The following TLN1 variants were observed in gnomAD, a reference collection of about 807,000 sequenced individuals.
TLN1 encodes talin-1.
TLN1 carries 56 observed loss-of-function variants against 292.3 expected under a neutral mutation model. That is an observed-to-expected ratio of 0.19 (90% CI 0.15 to 0.24). The LOEUF (loss-of-function observed/expected upper bound fraction) is 0.24. TLN1 is among the 10% of genes least tolerant of loss of function. The pLI is 1.00. For missense variants in TLN1, 2,433 were observed against 3,248.2 expected (o/e 0.75, Z 6.10); for synonymous variants, 1,119 against 1,253.7 (o/e 0.89, Z 2.27).
chr9:35,713,874 G>A (rs1825725736), intron 25 of TLN1, 79 bp downstream of exon 25: 1 of 1,455,326 alleles, frequency 6.9e-7, no homozygotes, highest in African/African-American at 1.4e-5. Context: ...AGGAAGGAAA[G>A]GTTTTGAGCA....
chr9:35,727,851 C>T (rs952010182), intron 1 of TLN1, among the ~76,000 whole-genome samples: 3 of 152,180 alleles, frequency 2.0e-5, no homozygotes, highest in Non-Finnish European at 4.4e-5. Flanking sequence ...GGAGCTGAGT[C>T]ATGCCTACCC....
chr9:35,729,563 T>C (rs925776605), intron 1 of TLN1, among the ~76,000 whole-genome samples: 10 of 152,232 alleles, frequency 6.6e-5, no homozygotes, highest in Admixed American at 3.3e-4. Context: ...AAAATAACTC[T>C]GGCAGTTACC....
At chr9:35,702,693 A>G (rs905077304) in intron 48 of TLN1, among the ~76,000 whole-genome samples, 1 of 151,816 alleles carries the variant, frequency 6.6e-6, no homozygotes, top group Non-Finnish European at 1.5e-5. Flanking sequence ...GGGTTTCACC[A>G]TATTGGCCAG....
Position 35,707,479 on chromosome 9 carries a change from C to T in TLN1, c.4642G>A (p.Gly1548Arg). 1 of 1,614,054 alleles carries T rather than the reference C, an allele frequency of 6.2e-7. No homozygotes were observed. The highest frequency in any genetic ancestry group is 1.1e-5 in the South Asian group (1 of 91,082). The change falls in exon 36 of 57, where the codon GGG (glycine) becomes AGG (arginine). Residue 1548 changes from glycine to arginine, a missense_variant. This residue lies in a region of TLN1 where 1,384 missense variants were observed against 1,699.6 expected (regional missense o/e 0.81). Transcript: ENST00000314888. The surrounding 1 kb of genome is among the most constrained non-coding windows in gnomAD (Gnocchi z 5.6). Reference protein sequence around the residue: ...NLVKTIKALDGAFTEENRAQC... With the variant: ...NLVKTIKALDRAFTEENRAQC... ...GCACGGTTCTCCTCTGTGAAGGCCCCATCTAGCGCCTAGAAGTGACAGAGA... is the reference window on the plus strand; with the variant it reads ...GCACGGTTCTCCTCTGTGAAGGCCCTATCTAGCGCCTAGAAGTGACAGAGA...
At chr9:35,721,355 C>T (rs1435181813) in intron 10 of TLN1, among the ~76,000 whole-genome samples, 1 of 152,188 alleles carries the variant, frequency 6.6e-6, no homozygotes, top group Non-Finnish European at 1.5e-5. Flanking sequence ...CTGTATATAG[C>T]TGCTGCTGAA....
chr9:35,711,779 G>A lies in TLN1; in HGVS notation c.3695C>T (p.Thr1232Ile). Residue 1232 changes from threonine (T) to isoleucine (I), a missense_variant, in exon 29 of 57, where the codon ACT becomes ATT. This residue lies in a region of TLN1 where 1,384 missense variants were observed against 1,699.6 expected (regional missense o/e 0.81). Transcript: ENST00000314888. ...GCTCTGAGCTTCTTGAAATGTCCCAGTGCTAGGAGGAAGCTGCAAGGTGAG... is the reference window on the plus strand; with the variant it reads ...GCTCTGAGCTTCTTGAAATGTCCCAATGCTAGGAGGAAGCTGCAAGGTGAG... Reference protein sequence around the residue: ...RLLSDSLPPSTGTFQEAQSRL... With the variant: ...RLLSDSLPPSIGTFQEAQSRL... 1 of 1,614,076 alleles carries A rather than the reference G, an allele frequency of 6.2e-7. No individual in the cohort carries two copies. The highest frequency in any genetic ancestry group is 1.1e-5 in the South Asian group (1 of 91,084).
In TLN1 at chr9:35,711,634, G is replaced by C. The variant is rs1825670163; in HGVS notation, c.3840C>G (p.Thr1280=). 1 of 1,614,100 alleles carries C rather than the reference G, an allele frequency of 6.2e-7. No homozygotes were observed. Among genetic ancestry groups the C allele is most frequent in the Non-Finnish European group, 8.5e-7 (1 of 1,180,026 alleles). ...CCATCTCCACACCAGCTTCCAGGAA[G>C]GTGCTGAAGTCCTGTCCAAATCGGC... ...ASGRFGQDFS[T]FLEAGVEMAG... is the part of the protein sequence containing the mutation. Residue 1280 remains threonine, a synonymous_variant, in exon 29 of 57, where the codon ACC becomes ACG. Coordinates refer to ENST00000314888, the MANE Select transcript of TLN1 (RefSeq NM_006289.4).
At chr9:35,722,972 T>C in intron 7 of TLN1, 51 bp from the exon 8 acceptor site, 1 of 1,561,770 alleles carries the variant, frequency 6.4e-7, no homozygotes, top group Non-Finnish European at 8.8e-7. Flanking sequence ...TCAGGGGACA[T>C]GTGGGCCATG....
chr9:35,731,736 C>G (rs1826083954), intron 1 of TLN1, among the ~76,000 whole-genome samples: 1 of 152,188 alleles, frequency 6.6e-6, no homozygotes, highest in African/African-American at 2.4e-5. Context: ...CCCTTGATTC[C>G]TAAACGGACC....
chr9:35,728,088 C>A (rs1056942834), intron 1 of TLN1, among the ~76,000 whole-genome samples: 1 of 152,150 alleles, frequency 6.6e-6, no homozygotes, highest in African/African-American at 2.4e-5. Flanking sequence ...CCAGGGAACT[C>A]CTCCTCCCTC....
intron 1 of TLN1, among the ~76,000 whole-genome samples, chr9:35,729,949 GGAAGACAGGGTGTAGAAAAAGGATGA>G (rs1475982224): frequency 1.1e-5 from 1 of 94,014 alleles, no homozygotes; most frequent in African/African-American, 3.5e-5. Flanking sequence ...CTGGGAATGG[GGAAGACAGGGTGTAGAAAAAGGATGA>G]GAAGACAGGG....
chr9:35,715,681 C>T (rs1411969932), intron 20 of TLN1, among the ~76,000 whole-genome samples: 4 of 152,164 alleles, frequency 2.6e-5, no homozygotes, highest in Admixed American at 1.3e-4. Context: ...TGTGTATTCA[C>T]AGGGGAGACC....
chr9:35,711,936 G>C, intron 28 of TLN1, 69 bp downstream of exon 28: 1 of 1,598,356 alleles, frequency 6.3e-7, no homozygotes, highest in South Asian at 1.1e-5. Context: ...AAGGACAACC[G>C]AGAGGGAGGA....
chr9:35,709,794 G>A (rs1825628834), intron 33 of TLN1, among the ~76,000 whole-genome samples: 1 of 148,630 alleles, frequency 6.7e-6, no homozygotes, highest in Admixed American at 6.7e-5. Flanking sequence ...GGCTGAGGCA[G>A]GAGAATGGCG....
At position 35,706,979 on chromosome 9, in the gene TLN1, A is replaced by G; in HGVS notation, c.4956-79T>C. ...GCCTATCCTTCCCCTGTATCCTCCC[A>G]ACACCATCCCATCTCATTGCACTCA... On this transcript the variant is annotated intron_variant, in intron 37 of 56. Transcript: ENST00000314888. This position sits in a 1 kb window ranked among gnomAD's most constrained non-coding sequence, Gnocchi z 4.2. 1 of 1,608,574 alleles carries G rather than the reference A, an allele frequency of 6.2e-7. No homozygotes were observed. The highest frequency in any genetic ancestry group is 8.5e-7 in the Non-Finnish European group (1 of 1,178,118).
intron 33 of TLN1, among the ~76,000 whole-genome samples, chr9:35,709,476 T>C (rs1825621959): frequency 6.6e-6 from 1 of 152,218 alleles, no homozygotes; most frequent in Non-Finnish European, 1.5e-5. Flanking sequence ...TAAGGATTCA[T>C]ATACTAAAGC....
intron 48 of TLN1, among the ~76,000 whole-genome samples, chr9:35,703,229 G>A (rs1236874150): frequency 2.0e-5 from 3 of 152,172 alleles, no homozygotes; most frequent in Admixed American, 1.3e-4. Context: ...CCTGGGAGGT[G>A]GAGGTTGTAG....
chr9:35,722,262 A>T (rs1334735971), intron 8 of TLN1, 39 bp from the exon 9 acceptor site: 1 of 1,551,192 alleles, frequency 6.4e-7, no homozygotes, highest in Non-Finnish European at 8.9e-7. Flanking sequence ...AAAGAGTTTC[A>T]TATCACAGCT....
rs192133785 is a variant in TLN1 at position 35,708,206 on chromosome 9, C to A, written c.4470+135G>T. On this transcript the variant is annotated intron_variant, in intron 34 of 56. Transcript: ENST00000314888. ...GACCCATGGCAGAAAAAGACAGTTA[C>A]CCAAAAAGAAGCTGTGTGTGCAAGG... 34 of 1,146,194 alleles carry A rather than the reference C, an allele frequency of 3.0e-5. No homozygotes were observed. The Admixed American group carries it at 7.3e-4, about 25-fold the overall frequency. The allele number at this position is 1,146,194 out of a possible 1,614,324, so 71.0% of individuals were successfully genotyped here.
Sources: allele counts gnomAD v4.1 joint callset (sites outside exome capture counted in the v4.1 genomes callset), GRCh38; gene constraint gnomAD v4.1.1; regional missense constraint gnomAD v4.1.1; non-coding constraint Gnocchi (gnomAD v3.1); transcripts MANE v1.5; gene names NCBI Gene and HGNC (gene_info 2026-07-23, HGNC 2026-07-21).